HERC1: variants seen among roughly 807,000 people sequenced by gnomAD.
HERC1 encodes the protein probable E3 ubiquitin-protein ligase HERC1.
HERC1 carries 160 observed loss-of-function variants against 554.3 expected under a neutral mutation model. That is an observed-to-expected ratio of 0.29 (90% confidence interval 0.25 to 0.33). HERC1 has a LOEUF of 0.33. Among genes scored for constraint, HERC1 ranks in the 10% least tolerant of loss-of-function variants. The pLI, the probability that HERC1 is intolerant of heterozygous loss-of-function variation, is 1.00. For synonymous variants in HERC1, 2,175 were observed against 2,131.7 expected (o/e 1.02, Z -0.56); for missense variants, 4,919 against 5,918.5 (o/e 0.83, Z 5.54).
At chr15:63,774,203 C>T (rs751296241) in intron 2 of HERC1, among the ~76,000 whole-genome samples, 8 of 152,140 alleles carry the variant, frequency 5.3e-5, no homozygotes, top group Non-Finnish European at 1.2e-4. Flanking sequence ...TTTTCACTAC[C>T]TGAAATTATA....
At position 63,694,373 on chromosome 15, in the gene HERC1, G is replaced by A; in HGVS notation, c.5419C>T (p.Leu1807Phe). The change falls in exon 29 of 78, where the codon CTT becomes TTT. Residue 1807 changes from leucine to phenylalanine, a missense_variant. By Grantham distance (22) the Leu-to-Phe change is conservative (BLOSUM62 0). Coordinates refer to ENST00000443617, the MANE Select transcript of HERC1 (RefSeq NM_003922.4). This position sits in a 1 kb window ranked among gnomAD's most constrained non-coding sequence, Gnocchi z 4.3. Reference sequence around the variant, plus strand: ...CTGGCCACTTTCAAAGCTGTGCTAAGCTGGGAAACACCCGTCTTTGGCAAC... The same window carrying A: ...CTGGCCACTTTCAAAGCTGTGCTAAACTGGGAAACACCCGTCTTTGGCAAC... ...QLLPKTGVSQLSTALKVASTR... is the reference protein window; with the variant it reads ...QLLPKTGVSQFSTALKVASTR... 1 of 1,613,962 alleles carries A rather than the reference G, an allele frequency of 6.2e-7. No individual in the cohort carries two copies. Among genetic ancestry groups the A allele is most frequent in the Non-Finnish European group, 8.5e-7 (1 of 1,179,872 alleles).
At chr15:63,823,545 G>A (rs766928162) in intron 1 of HERC1, among the ~76,000 whole-genome samples, 13 of 152,182 alleles carry the variant, frequency 8.5e-5, no homozygotes, top group South Asian at 2.1e-4. Context: ...GACAATGCCC[G>A]TGACCTTTCT....
intron 12 of HERC1, among the ~76,000 whole-genome samples, chr15:63,736,960 T>A (rs1428686789): frequency 6.6e-6 from 1 of 151,770 alleles, no homozygotes; most frequent in Non-Finnish European, 1.5e-5. Context: ...TTATTAGAAA[T>A]TTGAGGAAAG....
chr15:63,686,694 T>C (rs1424377009), intron 33 of HERC1, among the ~76,000 whole-genome samples, 159 bp from the exon 34 acceptor site: 6 of 152,242 alleles, frequency 3.9e-5, no homozygotes, highest in African/African-American at 1.4e-4. Context: ...AAATAGAGCA[T>C]GGTCCCTTCC....
rs553111285 is a variant in HERC1 at position 63,711,252 on chromosome 15, G to A, written c.4584+1523C>T. 4.6e-5 allele frequency among the ~76,000 whole-genome samples: 7 copies of A among 152,282 alleles called. No individual in the cohort carries two copies. In the East Asian group the frequency reaches 1.2e-3, roughly 25 times the overall value. On this transcript the variant is annotated intron_variant, in intron 24 of 77. Coordinates refer to ENST00000443617, the MANE Select transcript of HERC1 (RefSeq NM_003922.4). ...AGGCAGGAGGATTGCTTGAGCTCAG[G>A]AGTTCGAGGCTGCACTGAGCAGCCT...
chr15:63,833,186 A>G (rs1414588160), intron 1 of HERC1, among the ~76,000 whole-genome samples: 1 of 152,054 alleles, frequency 6.6e-6, no homozygotes, highest in African/African-American at 2.4e-5. Flanking sequence ...AGACTAAACA[A>G]TGCGCCCCGC....
chr15:63,643,755 A>T (rs2069185061), intron 57 of HERC1, among the ~76,000 whole-genome samples: 1 of 152,294 alleles, frequency 6.6e-6, no homozygotes, highest in South Asian at 2.1e-4. Flanking sequence ...CATCTTTTTT[A>T]AAAAATATAT....
chr15:63,662,845 C>G, intron 44 of HERC1, 139 bp downstream of exon 44: 1 of 629,676 alleles, frequency 1.6e-6, no homozygotes, highest in Non-Finnish European at 2.8e-6. Flanking sequence ...AACCTCATAA[C>G]TTTAAATCCC....
chr15:63,740,654 T>C (rs915057022), intron 12 of HERC1, among the ~76,000 whole-genome samples: 1 of 152,254 alleles, frequency 6.6e-6, no homozygotes, highest in African/African-American at 2.4e-5. Context: ...GGTTTTGATT[T>C]GTATTTCCCT....
intron 2 of HERC1, 37 bp from the exon 3 acceptor site, chr15:63,764,228 G>A (rs1339214019): frequency 1.4e-6 from 2 of 1,408,794 alleles, no homozygotes; most frequent in Non-Finnish European, 2.0e-6. Flanking sequence ...GCGTAGGAAG[G>A]GGAGAGACAT....
intron 1 of HERC1, among the ~76,000 whole-genome samples, chr15:63,776,768 C>T (rs982271896): frequency 6.6e-6 from 1 of 152,048 alleles, no homozygotes; most frequent in Admixed American, 6.6e-5. Context: ...GAGTTTGAGA[C>T]CCGCCTGGAC....
chr15:63,707,202 A>C (rs1596026436), intron 24 of HERC1, among the ~76,000 whole-genome samples: 1 of 152,030 alleles, frequency 6.6e-6, no homozygotes, highest in Admixed American at 6.6e-5. Context: ...CAAAATTACT[A>C]CTCCTTCCTC....
chr15:63,644,556 T>C (rs148951519), intron 57 of HERC1, among the ~76,000 whole-genome samples: 1,937 of 152,314 alleles, frequency 0.013, 21 homozygotes, highest in East Asian at 0.023. Flanking sequence ...CCTAGCTTCA[T>C]GAATTTATGT....
intron 74 of HERC1, among the ~76,000 whole-genome samples, chr15:63,617,166 T>C (rs929142449): frequency 4.6e-5 from 7 of 151,540 alleles, no homozygotes; most frequent in African/African-American, 1.7e-4. Flanking sequence ...CCCGCTCCCC[T>C]CACCCCACAA....
In HERC1 at chr15:63,680,457, G is replaced by T; in HGVS notation, c.6465+80C>A. The T allele has an allele frequency of 7.0e-7, 1 of 1,426,828 alleles. No homozygotes were observed. The highest frequency in any genetic ancestry group is 1.4e-5 in the African/African-American group (1 of 70,644). The allele number at this position is 1,426,828 out of a possible 1,614,324, so 88.4% of individuals were successfully genotyped here. ...GAGACGAGCAGATAATCTATAAACT[G>T]AATACGTGGCACTTGAATAACCGAG... On this transcript the variant is annotated intron_variant, in intron 35 of 77. Transcript: ENST00000443617. This position sits in a 1 kb window ranked among gnomAD's most constrained non-coding sequence, Gnocchi z 5.8.
At chr15:63,618,200 A>G (rs1217955891) in intron 74 of HERC1, among the ~76,000 whole-genome samples, 3 of 150,940 alleles carry the variant, frequency 2.0e-5, no homozygotes, top group Non-Finnish European at 4.4e-5. Context: ...TAAGGAAGGG[A>G]TCCAGTTTCA....
intron 69 of HERC1, 65 bp downstream of exon 69, chr15:63,630,401 C>G: frequency 6.7e-7 from 1 of 1,498,392 alleles, no homozygotes; most frequent in Non-Finnish European, 9.1e-7. Context: ...TATCTCTTTC[C>G]CCAACTGAGG....
chr15:63,665,956 C>T lies in HERC1; in HGVS notation c.8518G>A (p.Ala2840Thr). ...YLQSPGDIPSADAAEMEEGFS... is the reference protein window; with the variant it reads ...YLQSPGDIPSTDAAEMEEGFS... ...CCTTCCTCCATTTCAGCAGCATCAG[C>T]TGATGGTATGTCTCCAGGTGACTGC... The change falls in exon 42 of 78, where the codon GCT becomes ACT. Residue 2840 changes from alanine (A) to threonine (T), a missense_variant. Ala to Thr is a moderately conservative substitution (Grantham distance 58, BLOSUM62 0). This residue lies in a region of HERC1 where 1,963 missense variants were observed against 2,228.6 expected (regional missense o/e 0.88). Transcript: ENST00000443617. The T allele has an allele frequency of 6.2e-7, 1 of 1,613,942 alleles. No homozygotes were observed. Among genetic ancestry groups the T allele is most frequent in the Non-Finnish European group, 8.5e-7 (1 of 1,179,834 alleles).
In HERC1 at chr15:63,756,501, A is replaced by C. The variant is rs1452498158; in HGVS notation, c.1469T>G (p.Leu490Arg). 1 of 1,613,994 alleles carries C rather than the reference A, an allele frequency of 6.2e-7. No individual in the cohort carries two copies. Among genetic ancestry groups the C allele is most frequent in the Non-Finnish European group, 8.5e-7 (1 of 1,179,852 alleles). Residue 490 changes from leucine (L) to arginine (R), a missense_variant, in exon 5 of 78, where the codon CTG becomes CGG. Physicochemically the swap from Leu to Arg is moderately radical, Grantham distance 102. Coordinates refer to ENST00000443617, the MANE Select transcript of HERC1 (RefSeq NM_003922.4). The surrounding 1 kb of genome is among the most constrained non-coding windows in gnomAD (Gnocchi z 5.0). ...FSWGDGDYGK[L>R]GHGNSSTQKY... is the part of the protein sequence containing the mutation. ...CTGTGTTGAACTATTTCCATGCCCC[A>C]GTTTCCCATAATCACCATCTCCCCA...
Sources: gnomAD v4.1 joint callset for allele counts (sites outside exome capture counted in the v4.1 genomes callset) on GRCh38, gnomAD v4.1.1 for gene constraint, gnomAD v4.1.1 regional missense constraint, Gnocchi (gnomAD v3.1) non-coding constraint, MANE v1.5 for transcripts, NCBI Gene and HGNC (gene_info 2026-07-23, HGNC 2026-07-21) for gene names.